OLFM3: variants seen among roughly 807,000 people sequenced by gnomAD.
OLFM3 encodes the protein olfactomedin 3.
In OLFM3, 20 loss-of-function variants were observed where a neutral mutation model predicts 48.6. The observed-to-expected ratio is 0.41, with a 90% confidence interval of 0.29 to 0.60. The LOEUF (loss-of-function observed/expected upper bound fraction) is 0.60. Ranked by LOEUF, OLFM3 falls within the 20% of genes least tolerant of loss-of-function variation. The pLI is 0.28. For synonymous variants in OLFM3, 222 were observed against 198.1 expected (o/e 1.12, Z -1.01); for missense variants, 437 against 544.3 (o/e 0.80, Z 1.96).
At chr1:101,881,710 T>C (rs1026644452) in intron 1 of OLFM3, among the ~76,000 whole-genome samples, 6 of 151,812 alleles carry the variant, frequency 4.0e-5, no homozygotes, top group African/African-American at 1.4e-4. Flanking sequence ...TGAGTTGAGT[T>C]GGCTCTCCCA....
intron 1 of OLFM3, among the ~76,000 whole-genome samples, chr1:101,996,297 G>A (rs562422341): frequency 3.4e-4 from 51 of 152,166 alleles, no homozygotes; most frequent in Non-Finnish European, 4.9e-4. Flanking sequence ...ACCGCAGCAC[G>A]TCTGCGATGG....
At chr1:101,956,095 T>TTTTA (rs1553183045) in intron 1 of OLFM3, among the ~76,000 whole-genome samples, 71 of 143,794 alleles carry the variant, frequency 4.9e-4, no homozygotes, top group African/African-American at 1.5e-3. Flanking sequence ...GGTTTTTTTT[T>TTTTA]TTTTTTTTAA....
chr1:101,926,697 G>A (rs1291488273), intron 1 of OLFM3, among the ~76,000 whole-genome samples: 1 of 152,164 alleles, frequency 6.6e-6, no homozygotes. Context: ...ACTAAAGTAG[G>A]AGGTTTAGTG....
At chr1:101,975,628 G>A (rs934543471) in intron 1 of OLFM3, among the ~76,000 whole-genome samples, 3 of 152,078 alleles carry the variant, frequency 2.0e-5, no homozygotes, top group African/African-American at 7.2e-5. Flanking sequence ...GAAACTACAA[G>A]TGACCACTGT....
intron 1 of OLFM3, among the ~76,000 whole-genome samples, chr1:101,906,972 C>T (rs1203902150): frequency 6.6e-6 from 1 of 151,966 alleles, no homozygotes; most frequent in East Asian, 1.9e-4. Flanking sequence ...CATTATTTGT[C>T]GTATTTACAT....
chr1:101,920,938 T>G (rs1659075513), intron 1 of OLFM3, among the ~76,000 whole-genome samples: 1 of 152,188 alleles, frequency 6.6e-6, no homozygotes, highest in African/African-American at 2.4e-5. Context: ...GTTTTTTCTT[T>G]GTGTTTTTAT....
intron 1 of OLFM3, among the ~76,000 whole-genome samples, chr1:101,911,845 C>A (rs1268210511): frequency 6.6e-6 from 1 of 152,188 alleles, no homozygotes; most frequent in East Asian, 1.9e-4. Flanking sequence ...CTTAAACTTA[C>A]AAGATTGCAA....
intron 1 of OLFM3, among the ~76,000 whole-genome samples, chr1:101,873,452 C>G (rs1657171057): frequency 6.6e-6 from 1 of 151,664 alleles, no homozygotes; most frequent in Non-Finnish European, 1.5e-5. Flanking sequence ...TAAACATATA[C>G]ATTATAATAC....
chr1:101,821,354 A>T (rs1654599514), intron 4 of OLFM3, among the ~76,000 whole-genome samples: 1 of 152,036 alleles, frequency 6.6e-6, no homozygotes, highest in Non-Finnish European at 1.5e-5. Context: ...TATATATAAT[A>T]TAACAACATA....
chr1:101,905,768 C>G (rs1658530703), intron 1 of OLFM3, among the ~76,000 whole-genome samples: 1 of 152,042 alleles, frequency 6.6e-6, no homozygotes, highest in Non-Finnish European at 1.5e-5. Context: ...CTGGCAGCAG[C>G]AAGGATCTAT....
chr1:101,891,569 A>G (rs1658000143), intron 1 of OLFM3, among the ~76,000 whole-genome samples: 1 of 151,062 alleles, frequency 6.6e-6, no homozygotes, highest in African/African-American at 2.4e-5. Context: ...TTTTTGATGG[A>G]TTTTTTTTTC....
intron 1 of OLFM3, among the ~76,000 whole-genome samples, chr1:101,928,464 G>C (rs1659345322): frequency 6.6e-6 from 1 of 152,106 alleles, no homozygotes; most frequent in East Asian, 1.9e-4. Flanking sequence ...TACTAAGAGA[G>C]TGTTTTACTG....
intron 1 of OLFM3, among the ~76,000 whole-genome samples, chr1:101,841,743 G>C (rs574958260): frequency 6.6e-6 from 1 of 152,164 alleles, no homozygotes; most frequent in Admixed American, 6.5e-5. Context: ...TCAACTGATC[G>C]AATATTGCTA....
At chr1:101,858,328 A>G (rs961604315) in intron 1 of OLFM3, among the ~76,000 whole-genome samples, 10 of 152,076 alleles carry the variant, frequency 6.6e-5, no homozygotes, top group African/African-American at 2.4e-4. Context: ...TTATGCATTC[A>G]GGAAGGATTT....
At chr1:101,980,301 G>A (rs1661073329) in intron 1 of OLFM3, among the ~76,000 whole-genome samples, 2 of 152,056 alleles carry the variant, frequency 1.3e-5, no homozygotes, top group Admixed American at 1.3e-4. Flanking sequence ...GGAGGGGCCG[G>A]GGTGGAATGA....
At chr1:101,860,341 G>A (rs1301482870) in intron 1 of OLFM3, among the ~76,000 whole-genome samples, 1 of 152,082 alleles carries the variant, frequency 6.6e-6, no homozygotes, top group African/African-American at 2.4e-5. Flanking sequence ...TTGTGAGGAT[G>A]TATTTGCAAC....
At chr1:101,849,532 A>G (rs1557701899) in intron 1 of OLFM3, among the ~76,000 whole-genome samples, 1 of 152,248 alleles carries the variant, frequency 6.6e-6, no homozygotes, top group Non-Finnish European at 1.5e-5. Context: ...GCAAAGCAGT[A>G]AGATCATTAG....
intron 1 of OLFM3, among the ~76,000 whole-genome samples, chr1:101,993,170 A>C (rs1218962500): frequency 6.6e-6 from 1 of 152,116 alleles, no homozygotes. Context: ...TCCAGTGTCA[A>C]TGTTGTGTTT....
Position 101,804,827 on chromosome 1 carries a change from G to A in OLFM3, c.788C>T (p.Thr263Ile), listed in dbSNP as rs748870066. The A allele has an allele frequency of 6.2e-7, 1 of 1,612,496 alleles. No individual in the cohort carries two copies. The highest frequency in any genetic ancestry group is 8.5e-7 in the Non-Finnish European group (1 of 1,179,052). Residue 263 changes from threonine to isoleucine, a missense_variant, in exon 6 of 6, where the codon ACA becomes ATA. By Grantham distance (89) the Thr-to-Ile change is moderately conservative. Coordinates refer to ENST00000370103, the MANE Select transcript of OLFM3 (RefSeq NM_058170.4). The surrounding 1 kb of genome is among the most constrained non-coding windows in gnomAD (Gnocchi z 4.5). ...ADFVSGAESRTYNLPFKWAGT... is the reference protein window; with the variant it reads ...ADFVSGAESRIYNLPFKWAGT... Reference sequence around the variant, plus strand: ...TGCCCACTTGAAAGGAAGGTTGTATGTCCTTGATTCAGCCCCACTGACAAA... The same window carrying A: ...TGCCCACTTGAAAGGAAGGTTGTATATCCTTGATTCAGCCCCACTGACAAA...
Sources: allele counts gnomAD v4.1 joint callset (sites outside exome capture counted in the v4.1 genomes callset), GRCh38; gene constraint gnomAD v4.1.1; non-coding constraint Gnocchi (gnomAD v3.1); transcripts MANE v1.5; gene names NCBI Gene and HGNC (gene_info 2026-07-23, HGNC 2026-07-21).